Variants in NUFIP2 observed in about 807,000 individuals in gnomAD.
The protein encoded by NUFIP2 is FMR1-interacting protein NUFIP2.
Under a neutral mutation model 56.9 loss-of-function variants are expected in NUFIP2, and 6 were observed. That is an observed-to-expected ratio of 0.11 (90% CI 0.06 to 0.21). The LOEUF is 0.21. NUFIP2 is among the 10% of genes least tolerant of loss of function. The pLI is 1.00. For synonymous variants in NUFIP2, 321 were observed against 298.2 expected (o/e 1.08, Z -0.79); for missense variants, 828 against 826.8 (o/e 1.00, Z -0.02).
rs2069187489 is a variant in NUFIP2 at position 29,287,800 on chromosome 17, T to A, written c.278-84A>T. ...TACCTAACATTTAAGAACTATTTACTGTATGCTAGACACTATGCTATGAGC... is the reference window on the plus strand; with the variant it reads ...TACCTAACATTTAAGAACTATTTACAGTATGCTAGACACTATGCTATGAGC... On this transcript the variant is annotated intron_variant, in intron 1 of 3. Coordinates refer to ENST00000225388, the MANE Select transcript of NUFIP2 (RefSeq NM_020772.3). The A allele has an allele frequency of 6.3e-6, 8 of 1,272,440 alleles. No individual in the cohort carries two copies. In the South Asian group the frequency reaches 1.2e-4, roughly 20 times the overall value. 78.8% of individuals were successfully genotyped at this position (1,272,440 alleles called of 1,614,324 possible).
chr17:29,267,459 ACT>A, intron 3 of NUFIP2, 37 bp downstream of exon 3: 1 of 1,142,398 alleles, frequency 8.8e-7, no homozygotes, highest in Non-Finnish European at 1.3e-6. Flanking sequence ...TCCAGTGGTT[ACT>A]TATTAGTGAC....
chr17:29,258,953 T>C lies in NUFIP2; in HGVS notation c.*5586A>G, dbSNP rs2068986287. 1 of 152,206 alleles carries C rather than the reference T, an allele frequency of 6.6e-6. No individual in the cohort carries two copies. The highest frequency in any genetic ancestry group is 2.1e-4 in the South Asian group (1 of 4,828). The allele number at this position is 152,206 out of a possible 1,614,324, so 9.4% of individuals were successfully genotyped here. On this transcript the variant is annotated 3_prime_UTR_variant, in exon 4 of 4. Transcript: ENST00000225388. ...TCAAGATCATGAAAGGATCCTCCTC[T>C]ATGAAGGATAAATGAAAACAGATTA... is the stretch of plus-strand genomic sequence containing the variant.
In NUFIP2 at chr17:29,277,831, G is replaced by A. The variant is rs183110942; in HGVS notation, c.2002+8161C>T. Among the ~76,000 whole-genome samples, 123 of 152,148 alleles carry A rather than the reference G, an allele frequency of 8.1e-4. 1 individual carries two copies. The highest frequency in any genetic ancestry group is 1.1e-3 in the Non-Finnish European group (73 of 67,998). ...AGTTTGAGACCAGCCTGACCAACAT[G>A]GTGAAACCTCAGTCTCTACTAAAAA... is the stretch of plus-strand genomic sequence containing the variant. On this transcript the variant is annotated intron_variant, in intron 2 of 3. Coordinates refer to ENST00000225388, the MANE Select transcript of NUFIP2 (RefSeq NM_020772.3).
chr17:29,277,395 CCAAA>C (rs1164572028), intron 2 of NUFIP2, among the ~76,000 whole-genome samples: 16 of 152,212 alleles, frequency 1.1e-4, no homozygotes, highest in African/African-American at 3.4e-4. Context: ...CAACATAATG[CCAAA>C]CAAACTGACT....
At chr17:29,266,426 A>G (rs974779360) in intron 3 of NUFIP2, among the ~76,000 whole-genome samples, 1 of 152,000 alleles carries the variant, frequency 6.6e-6, no homozygotes, top group Non-Finnish European at 1.5e-5. Context: ...TCACTTTCCT[A>G]ATATGTAAAA....
intron 2 of NUFIP2, among the ~76,000 whole-genome samples, chr17:29,282,829 T>C (rs1356987939): frequency 2.0e-5 from 3 of 151,968 alleles, no homozygotes; most frequent in Non-Finnish European, 4.4e-5. Context: ...GATATTCCAG[T>C]AGCCCAACTG....
chr17:29,258,100 T>G lies in NUFIP2; in HGVS notation c.*6439A>C, dbSNP rs1038715958. 5.9e-5 allele frequency: 9 copies of G among 152,072 alleles called. No homozygotes were observed. The highest frequency in any genetic ancestry group is 1.0e-4 in the Non-Finnish European group (7 of 67,992). The allele number at this position is 152,072 out of a possible 1,614,324, so 9.4% of individuals were successfully genotyped here. A position where few individuals can be genotyped will look rare whatever the true frequency, so the allele number is the denominator to read the frequency against. The stretch of plus-strand genomic sequence containing the variant: ...TTTTTAATATACATGCAAGGCACAT[T>G]GATATAAAAATAGATCTCTGGCCAA... On this transcript the variant is annotated 3_prime_UTR_variant, in exon 4 of 4. Coordinates refer to ENST00000225388, the MANE Select transcript of NUFIP2 (RefSeq NM_020772.3).
At chr17:29,268,814 C>T (rs1463460993) in intron 2 of NUFIP2, among the ~76,000 whole-genome samples, 1 of 152,032 alleles carries the variant, frequency 6.6e-6, no homozygotes, top group Non-Finnish European at 1.5e-5. Context: ...CAAGCATCAG[C>T]CACCACACCC....
rs2069130356 is a variant in NUFIP2, at chr17:29,279,909, C to T, written c.2002+6083G>A. 2.6e-5 allele frequency among the ~76,000 whole-genome samples: 4 copies of T among 152,238 alleles called. No individual in the cohort carries two copies. In the South Asian group the frequency reaches 8.3e-4, roughly 32 times the overall value. On this transcript the variant is annotated intron_variant, in intron 2 of 3. Coordinates refer to ENST00000225388, the MANE Select transcript of NUFIP2 (RefSeq NM_020772.3). ...TCTCAGCCCACTGCAACTTCCACCT[C>T]CCAGATTCAAGCGATTCTCCCACCT...
At position 29,266,462 on chromosome 17, in the gene NUFIP2, G is replaced by C. The variant is rs148759857; in HGVS notation, c.2035+1036C>G. Among the ~76,000 whole-genome samples, 434 of 151,988 alleles carry C rather than the reference G, an allele frequency of 2.9e-3. 2 individuals carry two copies. Among genetic ancestry groups the C allele is most frequent in the African/African-American group, 0.01 (423 of 41,494 alleles). ...TAAGAGAAATTTCTACACATTTCAA[G>C]TCCTGAAATTCTAGGAATTTCACAT... On this transcript the variant is annotated intron_variant, in intron 3 of 3. Coordinates refer to ENST00000225388, the MANE Select transcript of NUFIP2 (RefSeq NM_020772.3).
chr17:29,277,774 AGGCCGAGGTGGGT>A (rs2069116235), intron 2 of NUFIP2, among the ~76,000 whole-genome samples: 1 of 152,098 alleles, frequency 6.6e-6, no homozygotes, highest in Admixed American at 6.6e-5. Context: ...GCACTTTGGG[AGGCCGAGGTGGGT>A]GGATCACCTG....
intron 2 of NUFIP2, among the ~76,000 whole-genome samples, chr17:29,274,110 G>A (rs534874997): frequency 1.4e-4 from 22 of 152,308 alleles, no homozygotes; most frequent in Admixed American, 4.6e-4. Context: ...AACAAAGGTC[G>A]GTGGTATGTG....
In NUFIP2 at chr17:29,262,729, T is replaced by TTATATA. The variant is rs10595554; in HGVS notation, c.*1804_*1809dup. The TTATATA allele has an allele frequency of 1.4e-5, 2 of 146,536 alleles. No individual in the cohort carries two copies. The highest frequency in any genetic ancestry group is 5.0e-5 in the African/African-American group (2 of 40,274). The allele number at this position is 146,536 out of a possible 1,614,324, so 9.1% of individuals were successfully genotyped here. The stretch of plus-strand genomic sequence containing the variant: ...ACCTGGACTGATACAATAAGTTATT[T>TTATATA]TATATATATATATATATATTATGTA... On this transcript the variant is annotated 3_prime_UTR_variant, in exon 4 of 4. Coordinates refer to ENST00000225388, the MANE Select transcript of NUFIP2 (RefSeq NM_020772.3).
intron 2 of NUFIP2, among the ~76,000 whole-genome samples, chr17:29,282,592 TTTATA>T (rs1224314022): frequency 1.3e-5 from 2 of 151,706 alleles, no homozygotes; most frequent in Non-Finnish European, 2.9e-5. Flanking sequence ...AACACCTTTC[TTTATA>T]TAAGTTAAAT....
At chr17:29,269,464 T>C (rs185107912) in intron 2 of NUFIP2, among the ~76,000 whole-genome samples, 1 of 152,148 alleles carries the variant, frequency 6.6e-6, no homozygotes, top group Admixed American at 6.6e-5. Context: ...CCTATCTCTC[T>C]CCCTACTCCC....
intron 2 of NUFIP2, among the ~76,000 whole-genome samples, chr17:29,280,424 T>C (rs1412420959): frequency 6.6e-6 from 1 of 152,180 alleles, no homozygotes; most frequent in Non-Finnish European, 1.5e-5. Flanking sequence ...GTCCCAGGTA[T>C]GTACACTAAG....
At chr17:29,281,597 AAGG>A (rs1046780953) in intron 2 of NUFIP2, among the ~76,000 whole-genome samples, 2 of 151,324 alleles carry the variant, frequency 1.3e-5, no homozygotes, top group African/African-American at 2.4e-5. Flanking sequence ...GAGGCTGAGG[AAGG>A]AGGAGAGCTT....
intron 2 of NUFIP2, among the ~76,000 whole-genome samples, chr17:29,269,832 T>C (rs1480393374): frequency 6.6e-5 from 10 of 152,236 alleles, no homozygotes; most frequent in Non-Finnish European, 1.5e-5. Context: ...GCCATTCTCT[T>C]GCCTCAGCTT....
At position 29,262,729 on chromosome 17, in the gene NUFIP2, T is replaced by TA; in HGVS notation, c.*1809_*1810insT. ...ACCTGGACTGATACAATAAGTTATT[T>TA]TATATATATATATATATATTATGTA... On this transcript the variant is annotated 3_prime_UTR_variant, in exon 4 of 4. Transcript: ENST00000225388. 1 of 146,552 alleles carries TA rather than the reference T, an allele frequency of 6.8e-6. No individual in the cohort carries two copies. Among genetic ancestry groups the TA allele is most frequent in the African/African-American group, 2.5e-5 (1 of 40,328 alleles). 9.1% of individuals were successfully genotyped at this position (146,552 alleles called of 1,614,324 possible).
Sources: gnomAD v4.1 joint callset for allele counts (sites outside exome capture counted in the v4.1 genomes callset) on GRCh38, gnomAD v4.1.1 for gene constraint, MANE v1.5 for transcripts, NCBI Gene and HGNC (gene_info 2026-07-23, HGNC 2026-07-21) for gene names.